Variants in TSHR observed in about 807,000 individuals in gnomAD.
The protein encoded by TSHR is thyroid stimulating hormone receptor.
TSHR carries 51 observed loss-of-function variants against 64.1 expected under a neutral mutation model. That is an observed-to-expected ratio of 0.80 (90% CI 0.64 to 1.01). The LOEUF is 1.01. Among genes scored for constraint, TSHR ranks in the 50% least tolerant of loss-of-function variants. The pLI is 0.00. For missense variants in TSHR, 877 were observed against 942.8 expected (o/e 0.93, Z 0.91); for synonymous variants, 361 against 361.9 (o/e 1.00, Z 0.03).
intron 1 of TSHR, among the ~76,000 whole-genome samples, chr14:80,961,235 C>T (rs61981273): frequency 0.21 from 31,615 of 152,144 alleles, 4,298 homozygotes; most frequent in Non-Finnish European, 0.3. Flanking sequence ...CTGTGTCACA[C>T]TCTGGACTTA....
At chr14:81,046,501 A>G (rs1333510558) in intron 1 of TSHR, among the ~76,000 whole-genome samples, 1 of 151,396 alleles carries the variant, frequency 6.6e-6, no homozygotes, top group Non-Finnish European at 1.5e-5. Flanking sequence ...CAGAGAGGGG[A>G]AAAAAATATA....
At chr14:80,986,734 G>T (rs1039731059) in intron 1 of TSHR, among the ~76,000 whole-genome samples, 3 of 152,188 alleles carry the variant, frequency 2.0e-5, no homozygotes, top group Non-Finnish European at 4.4e-5. Flanking sequence ...TGATCTGCCC[G>T]CCTTGGCGTC....
Position 81,058,519 on chromosome 14 carries a change from A to G in TSHR, c.171-3629A>G, listed in dbSNP as rs375949265. Among the ~76,000 whole-genome samples the G allele has an allele frequency of 1.0e-3, 157 of 152,358 alleles. 1 individual carries two copies. Among genetic ancestry groups the G allele is most frequent in the African/African-American group, 3.5e-3 (144 of 41,592 alleles). On this transcript the variant is annotated intron_variant, in intron 1 of 9. Coordinates refer to ENST00000298171, the MANE Select transcript of TSHR (RefSeq NM_000369.5). The stretch of plus-strand genomic sequence containing the variant: ...GATGCCTTAATCGTTAATAGTAAAT[A>G]GATGTACTATTTGTATGAGGTGAGG...
chr14:81,114,600 G>A (rs1166643970), intron 8 of TSHR, among the ~76,000 whole-genome samples: 1 of 152,176 alleles, frequency 6.6e-6, no homozygotes, highest in Admixed American at 6.5e-5. Flanking sequence ...GCGAGGCTGG[G>A]GGAGGGGCGC....
At chr14:81,063,966 A>C (rs1162656453) in intron 2 of TSHR, among the ~76,000 whole-genome samples, 1 of 152,210 alleles carries the variant, frequency 6.6e-6, no homozygotes, top group African/African-American at 2.4e-5. Flanking sequence ...TCTTGGGGGT[A>C]GAGCTTAGGC....
intron 5 of TSHR, 95 bp downstream of exon 5, chr14:81,091,238 CA>C: frequency 1.3e-5 from 15 of 1,125,032 alleles, no homozygotes; most frequent in Non-Finnish European, 2.0e-5. Flanking sequence ...ATAAGTAAAG[CA>C]ATTGTTTCAA....
rs149518109 is a variant in TSHR, at chr14:81,079,632, G to T, written c.318-8322G>T. ...TTTGGGAGACTGAGGCAGAAGGATGGCTTGAGCCCAGGAGTTTGAGACCAG... is the reference window on the plus strand; with the variant it reads ...TTTGGGAGACTGAGGCAGAAGGATGTCTTGAGCCCAGGAGTTTGAGACCAG... On this transcript the variant is annotated intron_variant, in intron 3 of 9. Coordinates refer to ENST00000298171, the MANE Select transcript of TSHR (RefSeq NM_000369.5). Among the ~76,000 whole-genome samples the T allele has an allele frequency of 5.3e-5, 8 of 152,296 alleles. No homozygotes were observed. The East Asian group carries it at 1.5e-3, about 29-fold the overall frequency.
chr14:81,058,774 G>T (rs1294400314), intron 1 of TSHR, among the ~76,000 whole-genome samples: 1 of 152,144 alleles, frequency 6.6e-6, no homozygotes, highest in South Asian at 2.1e-4. Context: ...TATTCAAAAT[G>T]TATTCTGAAA....
chr14:81,062,081 A>G (rs1886284622), intron 1 of TSHR, 67 bp from the exon 2 acceptor site: 1 of 1,345,874 alleles, frequency 7.4e-7, no homozygotes, highest in Non-Finnish European at 1.1e-6. Context: ...GTGTTTTTAT[A>G]ATTAAGGTGA....
chr14:81,028,596 T>A (rs1466641417), intron 1 of TSHR, among the ~76,000 whole-genome samples: 1 of 152,056 alleles, frequency 6.6e-6, no homozygotes, highest in Non-Finnish European at 1.5e-5. Flanking sequence ...TCTAATTGGA[T>A]TACGGTAATA....
intron 1 of TSHR, among the ~76,000 whole-genome samples, chr14:81,000,957 G>T (rs1310374852): frequency 6.6e-6 from 1 of 152,030 alleles, no homozygotes; most frequent in Admixed American, 6.6e-5. Flanking sequence ...GCTGCCTGTG[G>T]GCTGAGTAAA....
chr14:81,108,711 A>G, intron 8 of TSHR: 1 of 1,613,694 alleles, frequency 6.2e-7, no homozygotes, highest in Non-Finnish European at 8.5e-7. Flanking sequence ...CTTGGTGTAC[A>G]TGCTCACAGA....
chr14:81,115,330 C>T (rs1458319309), intron 8 of TSHR, among the ~76,000 whole-genome samples: 1 of 149,792 alleles, frequency 6.7e-6, no homozygotes, highest in Non-Finnish European at 1.5e-5. Context: ...CAGAGAAGTG[C>T]TTAAAGGAGC....
At chr14:81,120,656 G>T (rs1418651085) in intron 8 of TSHR, among the ~76,000 whole-genome samples, 1 of 152,062 alleles carries the variant, frequency 6.6e-6, no homozygotes, top group Non-Finnish European at 1.5e-5. Context: ...TTAGGATTTG[G>T]ATGCCGTTTA....
intron 1 of TSHR, among the ~76,000 whole-genome samples, chr14:81,038,516 G>A (rs12323355): frequency 0.25 from 36,949 of 150,452 alleles, 4,650 homozygotes; most frequent in South Asian, 0.33. Context: ...TGAAATAGAG[G>A]CTAAAAAATA....
intron 8 of TSHR, among the ~76,000 whole-genome samples, chr14:81,118,987 G>C (rs1407229955): frequency 1.1e-4 from 16 of 142,310 alleles, no homozygotes; most frequent in Non-Finnish European, 2.0e-4. Flanking sequence ...GTAGAAAGCT[G>C]AAACTGGATC....
At chr14:80,975,362 T>A (rs1365237435) in intron 1 of TSHR, among the ~76,000 whole-genome samples, 2 of 152,222 alleles carry the variant, frequency 1.3e-5, no homozygotes, top group African/African-American at 4.8e-5. Flanking sequence ...CCTACATCCA[T>A]GTTCTTTTGG....
rs954203381 is a variant in TSHR at position 81,008,024 on chromosome 14, T to C, written c.170+52174T>C. ...TGTGTCCAGACTCAATTCTGAAAACTTGTGGAGGGTTGGAGAGTAGGGGTA... is the reference window on the plus strand; with the variant it reads ...TGTGTCCAGACTCAATTCTGAAAACCTGTGGAGGGTTGGAGAGTAGGGGTA... On this transcript the variant is annotated intron_variant, in intron 1 of 9. Transcript: ENST00000298171. Among the ~76,000 whole-genome samples the C allele has an allele frequency of 5.9e-5, 9 of 152,174 alleles. No homozygotes were observed. The South Asian group carries it at 8.3e-4, about 14-fold the overall frequency.
chr14:81,017,839 T>TC (rs1033910282), intron 1 of TSHR, among the ~76,000 whole-genome samples: 10 of 151,698 alleles, frequency 6.6e-5, no homozygotes, highest in African/African-American at 2.4e-4. Context: ...CTTTTTTTTT[T>TC]TTTTTTTTGA....
Sources: allele counts gnomAD v4.1 joint callset (sites outside exome capture counted in the v4.1 genomes callset), GRCh38; gene constraint gnomAD v4.1.1; transcripts MANE v1.5; gene names NCBI Gene and HGNC (gene_info 2026-07-23, HGNC 2026-07-21).